The following MFN2 variants were observed in gnomAD, a reference collection of about 807,000 sequenced individuals.
MFN2 encodes mitofusin-2.
MFN2 carries 43 observed loss-of-function variants against 87.5 expected under a neutral mutation model. The observed-to-expected ratio is 0.49, with a 90% CI of 0.38 to 0.63. The LOEUF (loss-of-function observed/expected upper bound fraction) is 0.63, where lower values mean the gene tolerates loss of function less well. Among genes scored for constraint, MFN2 ranks in the 30% least tolerant of loss-of-function variants. The pLI, the probability that MFN2 is intolerant of heterozygous loss-of-function variation, is 0.00. For synonymous variants in MFN2, 337 were observed against 359.9 expected (o/e 0.94, Z 0.72); for missense variants, 743 against 972.8 (o/e 0.76, Z 3.14).
At chr1:11,987,311 CAAA>C (rs78088488) in intron 2 of MFN2, among the ~76,000 whole-genome samples, 2 of 134,266 alleles carry the variant, frequency 1.5e-5, no homozygotes. Flanking sequence ...GACTCTGTCT[CAAA>C]AAAAAAAAAA....
At chr1:12,002,582 G>C (rs1168686583) in intron 11 of MFN2, among the ~76,000 whole-genome samples, 1 of 152,192 alleles carries the variant, frequency 6.6e-6, no homozygotes, top group East Asian at 1.9e-4. Flanking sequence ...CAGCTACTTG[G>C]GAGGCTGAGG....
intron 16 of MFN2, 125 bp downstream of exon 16, chr1:12,006,818 C>A: frequency 7.0e-7 from 1 of 1,426,236 alleles, no homozygotes; most frequent in Non-Finnish European, 9.8e-7. Flanking sequence ...ACTTTCTCCT[C>A]TGTGATTGCA....
intron 2 of MFN2, among the ~76,000 whole-genome samples, chr1:11,986,210 C>T (rs764525084): frequency 4.1e-4 from 63 of 152,336 alleles, no homozygotes; most frequent in Non-Finnish European, 7.5e-4. Flanking sequence ...TCATGTACCT[C>T]TTCCGGGTGT....
At chr1:11,980,867 C>T (rs543210898) in intron 1 of MFN2, among the ~76,000 whole-genome samples, 1 of 152,352 alleles carries the variant, frequency 6.6e-6, no homozygotes, top group South Asian at 2.1e-4. Context: ...GCAGTTACTG[C>T]CTTCTCGTTC....
At position 12,004,544 on chromosome 1, in the gene MFN2, C is replaced by G; in HGVS notation, c.1323C>G (p.Leu441=). Residue 441 remains leucine (L), a synonymous_variant, in exon 13 of 19, where the codon CTC becomes CTG. Coordinates refer to ENST00000235329, the MANE Select transcript of MFN2 (RefSeq NM_014874.4). This position sits in a 1 kb window ranked among gnomAD's most constrained non-coding sequence, Gnocchi z 4.2. ...STAMAEEIRR[L]SVLVDDYQMD... ...CAATGGCCGAGGAGATCAGGCGCCT[C>G]TCTGTACTGGTGGACGATTACCAGA... 1 of 1,614,164 alleles carries G rather than the reference C, an allele frequency of 6.2e-7. No individual in the cohort carries two copies. Among genetic ancestry groups the G allele is most frequent in the Non-Finnish European group, 8.5e-7 (1 of 1,180,034 alleles).
chr1:12,001,938 C>T (rs761933879), intron 10 of MFN2, 44 bp from the exon 11 acceptor site: 10 of 1,614,014 alleles, frequency 6.2e-6, no homozygotes, highest in Non-Finnish European at 7.6e-6. Flanking sequence ...TGGTTGTAGG[C>T]CCCTGGTGGC....
chr1:11,999,546 C>T (rs573384878), intron 8 of MFN2, among the ~76,000 whole-genome samples: 3 of 152,068 alleles, frequency 2.0e-5, no homozygotes, highest in African/African-American at 2.4e-5. Flanking sequence ...TTGGTAGAGA[C>T]GGGGTTTTGT....
At chr1:12,008,629 C>T (rs932990121) in intron 17 of MFN2, among the ~76,000 whole-genome samples, 5 of 147,132 alleles carry the variant, frequency 3.4e-5, no homozygotes, top group African/African-American at 1.0e-4. Context: ...TGGGCAGAGG[C>T]GCTCCTCACA....
chr1:11,981,205 T>A (rs1243783490), intron 1 of MFN2, among the ~76,000 whole-genome samples: 1 of 152,090 alleles, frequency 6.6e-6, no homozygotes, highest in Non-Finnish European at 1.5e-5. Flanking sequence ...CAGCTCAATG[T>A]AGTTAAAAAA....
Position 12,005,714 on chromosome 1 carries a change from G to A in MFN2, c.1499G>A (p.Gly500Asp), listed in dbSNP as rs1209668629. The change falls in exon 15 of 19, where the codon GGC (glycine) becomes GAC (aspartate). Residue 500 changes from glycine (G) to aspartate (D), a missense_variant. Transcript: ENST00000235329. ...LQTMQQDMIDGLKPLLPVSVR... is the reference protein window; with the variant it reads ...LQTMQQDMIDDLKPLLPVSVR... Reference sequence around the variant, plus strand: ...CCTCCATTTCTCTTCCTGACAGATGGCTTGAAACCCCTCCTTCCTGTGTCT... The same window carrying A: ...CCTCCATTTCTCTTCCTGACAGATGACTTGAAACCCCTCCTTCCTGTGTCT... 1 of 1,614,186 alleles carries A rather than the reference G, an allele frequency of 6.2e-7. No homozygotes were observed. The highest frequency in any genetic ancestry group is 1.1e-5 in the South Asian group (1 of 91,086).
chr1:11,984,411 T>C (rs1330710211), intron 2 of MFN2, among the ~76,000 whole-genome samples: 1 of 152,192 alleles, frequency 6.6e-6, no homozygotes, highest in African/African-American at 2.4e-5. Context: ...TGTTATTGTT[T>C]TATAACATGT....
At position 11,999,109 on chromosome 1, in the gene MFN2, T is replaced by G; in HGVS notation, c.816+14T>G. 2 of 1,612,424 alleles carry G rather than the reference T, an allele frequency of 1.2e-6. No individual in the cohort carries two copies. Among genetic ancestry groups the G allele is most frequent in the Middle Eastern group, 1.7e-4 (1 of 6,046 alleles). On this transcript the variant is annotated intron_variant, in intron 8 of 18. Transcript: ENST00000235329. ...TACATGGAGGAGGTTCGTGCTTCTG[T>G]TTGGCAGTTTGGGGAATGCAACCCC...
chr1:11,989,707 GTTTTCC>G (rs1169473872), intron 3 of MFN2, among the ~76,000 whole-genome samples: 1 of 152,174 alleles, frequency 6.6e-6, no homozygotes, highest in African/African-American at 2.4e-5. Context: ...GAGCCCACGT[GTTTTCC>G]TTTGCCTAGT....
intron 6 of MFN2, among the ~76,000 whole-genome samples, chr1:11,998,045 G>A (rs1250457785): frequency 1.3e-5 from 2 of 150,966 alleles, no homozygotes; most frequent in Admixed American, 6.6e-5. Flanking sequence ...CACCATGCCT[G>A]GCTAAATTTT....
rs1445135363 is a variant in MFN2, at chr1:12,004,275, G to A, written c.1287+157G>A. ...AGCTGCCGTTTGGGTTCCATTGTCGGGTTGTGTGATGCTGGGCATGTTCCC... is the reference window on the plus strand; with the variant it reads ...AGCTGCCGTTTGGGTTCCATTGTCGAGTTGTGTGATGCTGGGCATGTTCCC... On this transcript the variant is annotated intron_variant, in intron 12 of 18. Transcript: ENST00000235329. This position sits in a 1 kb window ranked among gnomAD's most constrained non-coding sequence, Gnocchi z 4.2. Among the ~76,000 whole-genome samples, 1 of 152,158 alleles carries A rather than the reference G, an allele frequency of 6.6e-6. No individual in the cohort carries two copies. Among genetic ancestry groups the A allele is most frequent in the Non-Finnish European group, 1.5e-5 (1 of 68,034 alleles).
intron 11 of MFN2, 39 bp downstream of exon 11, chr1:12,002,142 C>T (rs773334200): frequency 2.5e-5 from 41 of 1,612,822 alleles, no homozygotes; most frequent in Non-Finnish European, 3.0e-5. Context: ...AGAGAGCTGC[C>T]GAGACAAGGG....
rs565894213 is a variant in MFN2 at position 11,983,375 on chromosome 1, A to G, written c.-5+1261A>G. On this transcript the variant is annotated intron_variant, in intron 2 of 18. Transcript: ENST00000235329. ...CGTGAGCCACCGCGCCTGGCCTAGC[A>G]TATGGTGTTTTACAAACTGATTCTA... is the stretch of plus-strand genomic sequence containing the variant. Among the ~76,000 whole-genome samples, 7 of 152,306 alleles carry G rather than the reference A, an allele frequency of 4.6e-5. No individual in the cohort carries two copies. In the South Asian group the frequency reaches 1.4e-3, roughly 32 times the overall value.
intron 2 of MFN2, 88 bp from the exon 3 acceptor site, chr1:11,989,077 G>C: frequency 7.0e-7 from 1 of 1,434,220 alleles, no homozygotes; most frequent in Non-Finnish European, 9.7e-7. Context: ...CCATATTCTT[G>C]ATTCTCCCCA....
intron 18 of MFN2, 51 bp from the exon 19 acceptor site, chr1:12,011,445 A>T: frequency 1.2e-6 from 2 of 1,600,380 alleles, no homozygotes; most frequent in Non-Finnish European, 1.7e-6. Context: ...GGTAGTCCTA[A>T]TACTGCCTAT....
Sources: allele counts gnomAD v4.1 joint callset (sites outside exome capture counted in the v4.1 genomes callset), GRCh38; gene constraint gnomAD v4.1.1; non-coding constraint Gnocchi (gnomAD v3.1); transcripts MANE v1.5; gene names NCBI Gene and HGNC (gene_info 2026-07-23, HGNC 2026-07-21).